Variants in KRIT1 observed in about 807,000 individuals in gnomAD.
KRIT1 encodes the protein krev interaction trapped protein 1.
In KRIT1, 45 loss-of-function variants were observed where a neutral mutation model predicts 95.8. The ratio of observed to expected loss-of-function variants is 0.47; its 90% confidence interval spans 0.37 to 0.60. The LOEUF (loss-of-function observed/expected upper bound fraction) is 0.60. Ranked by LOEUF, KRIT1 falls within the 20% of genes least tolerant of loss-of-function variation. The pLI is 0.00. For missense variants in KRIT1, 788 were observed against 877.5 expected, an observed-to-expected ratio of 0.90 and a Z score of 1.29; for synonymous variants, 282 against 278.8, an observed-to-expected ratio of 1.01 and a Z score of -0.11.
chr7:92,235,741 T>C (rs1182648951), intron 7 of KRIT1, 95 bp from the exon 8 acceptor site: 1 of 1,118,466 alleles, frequency 8.9e-7, no homozygotes, highest in African/African-American at 1.6e-5. Context: ...CACTTGTGAA[T>C]ATTACCTTCA....
intron 17 of KRIT1, chr7:92,206,500 A>G (rs1355579097): frequency 2.6e-5 from 4 of 152,246 alleles, no homozygotes; most frequent in Non-Finnish European, 5.9e-5. Flanking sequence ...AATCACAGGG[A>G]GACTATACTA....
chr7:92,235,873 CAT>C (rs1465682362), intron 7 of KRIT1: 3 of 424,364 alleles, frequency 7.1e-6, no homozygotes, highest in African/African-American at 2.0e-5. Flanking sequence ...TTTAGGGGCA[CAT>C]GTGATAATAT....
In KRIT1 at chr7:92,232,130, C is replaced by T. The variant is rs536565947; in HGVS notation, c.989+2319G>A. 5.9e-5 allele frequency among the ~76,000 whole-genome samples: 9 copies of T among 152,202 alleles called. No homozygotes were observed. In the South Asian group the frequency reaches 1.9e-3, roughly 32 times the overall value. On this transcript the variant is annotated intron_variant, in intron 10 of 18. Transcript: ENST00000394505. ...TATTTTCAGTAGAGACAGAGTTTCA[C>T]CAGGGCAGGCTGGTCTCAAACTCCT...
rs895812785 is a variant in KRIT1 at position 92,223,215 on chromosome 7, G to C, written c.1255-237C>G. On this transcript the variant is annotated intron_variant, in intron 12 of 18. Coordinates refer to ENST00000394505, the MANE Select transcript of KRIT1 (RefSeq NM_194454.3). Reference sequence around the variant, plus strand: ...GAGGCCGAGGCGGGCGGATCACGAAGTCAGGAGCTCGAGACCATCCTGGCT... The same window carrying C: ...GAGGCCGAGGCGGGCGGATCACGAACTCAGGAGCTCGAGACCATCCTGGCT... Among the ~76,000 whole-genome samples the C allele has an allele frequency of 6.0e-5, 9 of 149,014 alleles. No homozygotes were observed. In the South Asian group the frequency reaches 6.4e-4, roughly 11 times the overall value.
In KRIT1 at chr7:92,243,983, A is replaced by C. The variant is rs150246653; in HGVS notation, c.-3+19T>G. 9 of 152,274 alleles carry C rather than the reference A, an allele frequency of 5.9e-5. No homozygotes were observed. In the East Asian group the frequency reaches 1.7e-3, roughly 29 times the overall value. The allele number at this position is 152,274 out of a possible 1,614,324, so 9.4% of individuals were successfully genotyped here. A position where few individuals can be genotyped will look rare whatever the true frequency, so the allele number is the denominator to read the frequency against. ...TTTTTCAGTTCAATTTTTTGTATAA[A>C]ATCATTCTTAAAACCCACCTCATGC... On this transcript the variant is annotated intron_variant, in intron 3 of 18. Coordinates refer to ENST00000394505, the MANE Select transcript of KRIT1 (RefSeq NM_194454.3).
Position 92,236,332 on chromosome 7 carries a change from GTGTC to G in KRIT1, c.485+77_485+80del, listed in dbSNP as rs1798423933. ...TTATTTTCATTATTTTCTTCTCAAA[GTGTC>G]TGTATCTATGACAACTAATTTCTAC... On this transcript the variant is annotated intron_variant, in intron 7 of 18. Transcript: ENST00000394505. 9.0e-6 allele frequency: 8 copies of G among 889,800 alleles called. No individual in the cohort carries two copies. The East Asian group carries it at 1.3e-4, about 14-fold the overall frequency. The allele number at this position is 889,800 out of a possible 1,614,324, so 55.1% of individuals were successfully genotyped here. A position where few individuals can be genotyped will look rare whatever the true frequency, so the allele number is the denominator to read the frequency against.
intron 17 of KRIT1, among the ~76,000 whole-genome samples, chr7:92,207,144 A>G (rs1018146206): frequency 6.6e-6 from 1 of 152,122 alleles, no homozygotes; most frequent in African/African-American, 2.4e-5. Context: ...ACATCAAGAT[A>G]CAGGAAGCTC....
At chr7:92,208,773 C>T (rs924420149) in intron 17 of KRIT1, among the ~76,000 whole-genome samples, 2 of 151,988 alleles carry the variant, frequency 1.3e-5, no homozygotes, top group Non-Finnish European at 2.9e-5. Context: ...TCTACCAAAC[C>T]TATAATGAAG....
At chr7:92,219,078 G>GC (rs1410402094) in intron 14 of KRIT1, among the ~76,000 whole-genome samples, 4 of 152,090 alleles carry the variant, frequency 2.6e-5, no homozygotes, top group African/African-American at 9.7e-5. Context: ...TTGGCTCACT[G>GC]CCCCCTCCAC....
At chr7:92,239,315 G>A (rs1212888173) in intron 5 of KRIT1, among the ~76,000 whole-genome samples, 1 of 152,160 alleles carries the variant, frequency 6.6e-6, no homozygotes, top group Non-Finnish European at 1.5e-5. Flanking sequence ...CCTAGTGGCT[G>A]AGCTTATTTA....
chr7:92,232,929 G>A (rs939493785), intron 10 of KRIT1, among the ~76,000 whole-genome samples: 4 of 152,062 alleles, frequency 2.6e-5, no homozygotes, highest in African/African-American at 4.8e-5. Context: ...TCCTGACCTC[G>A]TGATCCGCCC....
At chr7:92,225,538 C>T (rs1476340908) in intron 12 of KRIT1, among the ~76,000 whole-genome samples, 182 bp downstream of exon 12, 3 of 152,148 alleles carry the variant, frequency 2.0e-5, no homozygotes, top group Non-Finnish European at 4.4e-5. Flanking sequence ...TGTGATCTGC[C>T]TGCCTCAGCC....
At chr7:92,230,292 A>T (rs1584940886) in intron 10 of KRIT1, among the ~76,000 whole-genome samples, 1 of 152,172 alleles carries the variant, frequency 6.6e-6, no homozygotes, top group Non-Finnish European at 1.5e-5. Flanking sequence ...TCTGAATCTT[A>T]GTAGTACTAC....
At chr7:92,229,300 G>A (rs1053065293) in intron 10 of KRIT1, among the ~76,000 whole-genome samples, 1 of 151,986 alleles carries the variant, frequency 6.6e-6, no homozygotes, top group African/African-American at 2.4e-5. Flanking sequence ...GTGTGAGATG[G>A]TACTTAAACT....
At chr7:92,219,373 C>A (rs1279075085) in intron 14 of KRIT1, among the ~76,000 whole-genome samples, 1 of 152,182 alleles carries the variant, frequency 6.6e-6, no homozygotes, top group African/African-American at 2.4e-5. Flanking sequence ...TACAGTTATA[C>A]CAGCACCATC....
intron 13 of KRIT1, 91 bp from the exon 14 acceptor site, chr7:92,222,144 G>A (rs886937110): frequency 9.7e-6 from 9 of 923,938 alleles, no homozygotes; most frequent in Non-Finnish European, 1.6e-5. Flanking sequence ...CTGCACTTCT[G>A]TACTGAATAC....
At chr7:92,219,843 ACTT>A (rs1164510351) in intron 14 of KRIT1, among the ~76,000 whole-genome samples, 7 of 152,078 alleles carry the variant, frequency 4.6e-5, no homozygotes, top group Admixed American at 2.0e-4. Context: ...CAAGTCTTGA[ACTT>A]CTTCTGTTAA....
chr7:92,210,353 G>A (rs1268339372), intron 17 of KRIT1, among the ~76,000 whole-genome samples: 4 of 152,056 alleles, frequency 2.6e-5, no homozygotes, highest in East Asian at 1.9e-4. Flanking sequence ...GATCTCAATG[G>A]AACAGAGAAC....
At chr7:92,228,062 C>G (rs1440156366) in intron 10 of KRIT1, among the ~76,000 whole-genome samples, 1 of 151,920 alleles carries the variant, frequency 6.6e-6, no homozygotes, top group Non-Finnish European at 1.5e-5. Flanking sequence ...GCCATGTTGC[C>G]CAACCTGGCC....
Sources: allele counts gnomAD v4.1 joint callset (sites outside exome capture counted in the v4.1 genomes callset), GRCh38; gene constraint gnomAD v4.1.1; transcripts MANE v1.5; gene names NCBI Gene and HGNC (gene_info 2026-07-23, HGNC 2026-07-21).